The following UHRF1 variants were observed in gnomAD, a reference collection of about 807,000 sequenced individuals.
UHRF1 encodes E3 ubiquitin-protein ligase UHRF1.
UHRF1 carries 9 observed loss-of-function variants against 96.5 expected under a neutral mutation model. That is an observed-to-expected ratio of 0.09 (90% CI 0.06 to 0.16). UHRF1 has a LOEUF of 0.16. UHRF1 is among the 10% of genes least tolerant of loss of function. UHRF1 has a pLI of 1.00. For synonymous variants in UHRF1, 455 were observed against 469.9 expected (o/e 0.97, Z 0.41); for missense variants, 626 against 1,131.1 (o/e 0.55, Z 6.40).
chr19:4,950,797 G>A, intron 12 of UHRF1, 24 bp downstream of exon 12: 1 of 1,613,722 alleles, frequency 6.2e-7, no homozygotes, highest in Non-Finnish European at 8.5e-7. Flanking sequence ...GAGGAGGCCG[G>A]GGGCTCTGTC....
In UHRF1 at chr19:4,954,464, G is replaced by A. The variant is rs765102966; in HGVS notation, c.1933G>A (p.Gly645Ser). ...CTTCGCGTCCCCCAGGACGGGCAAG[G>A]GCAAGTGGAAGCGGAAGTCGGCAGG... ...GGFASPRTGK[G>S]KWKRKSAGGG... is the part of the protein sequence containing the mutation. The change falls in exon 14 of 17, where the codon GGC (glycine) becomes AGC (serine). Residue 645 changes from glycine (G) to serine (S), a missense_variant. Coordinates refer to ENST00000650932, the MANE Select transcript of UHRF1 (RefSeq NM_001048201.3). The surrounding 1 kb of genome is among the most constrained non-coding windows in gnomAD (Gnocchi z 5.9). 1 of 1,610,614 alleles carries A rather than the reference G, an allele frequency of 6.2e-7. No individual in the cohort carries two copies. Among genetic ancestry groups the A allele is most frequent in the Non-Finnish European group, 8.5e-7 (1 of 1,177,316 alleles).
chr19:4,941,322 C>A (rs1383517756), intron 5 of UHRF1, among the ~76,000 whole-genome samples: 2 of 152,002 alleles, frequency 1.3e-5, no homozygotes, highest in African/African-American at 4.8e-5. Flanking sequence ...AACTCCTGAC[C>A]TCGGCCTCCC....
chr19:4,954,389 C>T lies in UHRF1; in HGVS notation c.1858C>T (p.Arg620Ter), dbSNP rs2033795942. 1 of 1,613,256 alleles carries T rather than the reference C, an allele frequency of 6.2e-7. No homozygotes were observed. Among genetic ancestry groups the T allele is most frequent in the Admixed American group, 1.7e-5 (1 of 59,890 alleles). The part of the protein sequence containing the change: ...GYLEALANRE[R>*]EKENSKREEE... ...CCTGGAAGCCCTGGCCAACCGAGAG[C>T]GAGAGAAGGAGAACAGCAAGAGGGA... is the stretch of plus-strand genomic sequence containing the variant. Residue 620 changes from arginine (R) to a stop codon, truncating the protein, a stop_gained, in exon 14 of 17, where the codon CGA (arginine) becomes TGA (stop). Transcript: ENST00000650932. LOFTEE classifies it high-confidence loss of function. This position sits in a 1 kb window ranked among gnomAD's most constrained non-coding sequence, Gnocchi z 5.9.
chr19:4,921,616 C>T (rs925094985), intron 2 of UHRF1, among the ~76,000 whole-genome samples: 4 of 151,910 alleles, frequency 2.6e-5, no homozygotes, highest in Admixed American at 2.6e-4. Flanking sequence ...ACTTTCTGGA[C>T]GTGATGGCCC....
intron 2 of UHRF1, among the ~76,000 whole-genome samples, chr19:4,921,964 GTTTA>G (rs573505183): frequency 1.2e-3 from 184 of 152,266 alleles, no homozygotes; most frequent in African/African-American, 4.3e-3. Context: ...TACTTATTTT[GTTTA>G]TTTATTTGAG....
chr19:4,912,968 C>T (rs1374227860), intron 2 of UHRF1, among the ~76,000 whole-genome samples: 1 of 151,970 alleles, frequency 6.6e-6, no homozygotes, highest in Non-Finnish European at 1.5e-5. Context: ...TTATATTGCC[C>T]AGGGTGGTCT....
At chr19:4,956,902 A>G in intron 16 of UHRF1, 89 bp downstream of exon 16, 1 of 943,066 alleles carries the variant, frequency 1.1e-6, no homozygotes, top group Admixed American at 2.0e-5. Context: ...CTACAGACAG[A>G]GGCTTGTTGG....
intron 5 of UHRF1, 147 bp downstream of exon 5, chr19:4,933,103 C>A: frequency 1.2e-6 from 1 of 861,662 alleles, no homozygotes; most frequent in Non-Finnish European, 1.8e-6. Flanking sequence ...CCTCTGGGGT[C>A]TGTTCCTGCT....
At chr19:4,935,800 C>T (rs772583584) in intron 5 of UHRF1, among the ~76,000 whole-genome samples, 5 of 152,034 alleles carry the variant, frequency 3.3e-5, no homozygotes, top group South Asian at 2.1e-4. Context: ...TGGGGAGAAA[C>T]GCCTACAAAT....
upstream of UHRF1, among the ~76,000 whole-genome samples, chr19:4,906,285 T>C (rs1004378226): frequency 2.6e-5 from 4 of 152,160 alleles, no homozygotes; most frequent in Non-Finnish European, 4.4e-5. Flanking sequence ...AGCTGGACAA[T>C]TAACCTGAGC....
chr19:4,952,015 G>A (rs2033731195), intron 13 of UHRF1, among the ~76,000 whole-genome samples: 1 of 152,220 alleles, frequency 6.6e-6, no homozygotes, highest in Non-Finnish European at 1.5e-5. Context: ...GTACGGTGGG[G>A]AATTTCAGAA....
chr19:4,933,962 TGTGTGTGTGC>T (rs199668164), intron 5 of UHRF1, among the ~76,000 whole-genome samples: 10,751 of 99,904 alleles, frequency 0.11, 524 homozygotes, highest in Admixed American at 0.25. Flanking sequence ...CCTCTTTGTG[TGTGTGTGTGC>T]GTGTGTGTGT....
chr19:4,917,676 AAGAG>A (rs1179130358), intron 2 of UHRF1, among the ~76,000 whole-genome samples: 1 of 150,378 alleles, frequency 6.6e-6, no homozygotes, highest in African/African-American at 2.4e-5. Flanking sequence ...AAAAAAAAAA[AAGAG>A]ACAAGGTCTT....
chr19:4,918,453 C>G (rs982101337), intron 2 of UHRF1, among the ~76,000 whole-genome samples: 1 of 148,888 alleles, frequency 6.7e-6, no homozygotes. Flanking sequence ...GAGTCTTGCT[C>G]TGTCGCCAGG....
chr19:4,917,709 G>C (rs540397815), intron 2 of UHRF1, among the ~76,000 whole-genome samples: 9 of 150,514 alleles, frequency 6.0e-5, no homozygotes, highest in African/African-American at 2.2e-4. Flanking sequence ...CCAGGCTGGA[G>C]TGCAGCGGCG....
rs962794946 is a variant in UHRF1 at position 4,962,055 on chromosome 19, G to A, written c.*1252G>A. On this transcript the variant is annotated 3_prime_UTR_variant, in exon 17 of 17. Transcript: ENST00000650932. ...ACCTCCTTATTCTTAGATTATTAATGTATTAGGGAAGAATGAGACAATTTT... is the reference window on the plus strand; with the variant it reads ...ACCTCCTTATTCTTAGATTATTAATATATTAGGGAAGAATGAGACAATTTT... 1.4e-5 allele frequency: 2 copies of A among 139,708 alleles called. No homozygotes were observed. Among genetic ancestry groups the A allele is most frequent in the Admixed American group, 7.6e-5 (1 of 13,138 alleles). The allele number at this position is 139,708 out of a possible 1,614,324, so 8.7% of individuals were successfully genotyped here.
intron 2 of UHRF1, among the ~76,000 whole-genome samples, chr19:4,915,276 C>T (rs1384014405): frequency 6.6e-6 from 1 of 152,216 alleles, no homozygotes; most frequent in Non-Finnish European, 1.5e-5. Flanking sequence ...CCACCCACTG[C>T]GGCATCCCTC....
intron 16 of UHRF1, 83 bp from the exon 17 acceptor site, chr19:4,960,571 ACTG>A: frequency 6.5e-7 from 1 of 1,528,406 alleles, no homozygotes; most frequent in Non-Finnish European, 8.8e-7. Flanking sequence ...ACCTGGTGAG[ACTG>A]TCCCCACAGT....
At position 4,954,844 on chromosome 19, in the gene UHRF1, G is replaced by C. The variant is rs772094708; in HGVS notation, c.2130+22G>C. On this transcript the variant is annotated intron_variant, in intron 15 of 16. Coordinates refer to ENST00000650932, the MANE Select transcript of UHRF1 (RefSeq NM_001048201.3). This position sits in a 1 kb window ranked among gnomAD's most constrained non-coding sequence, Gnocchi z 5.9. Reference sequence around the variant, plus strand: ...CCCGGTAGGCTCGCACGGCTCACTCGTCGCCCTGATTTGCGTTGACTGCGG... The same window carrying C: ...CCCGGTAGGCTCGCACGGCTCACTCCTCGCCCTGATTTGCGTTGACTGCGG... The C allele has an allele frequency of 3.4e-5, 54 of 1,609,416 alleles. No homozygotes were observed. The highest frequency in any genetic ancestry group is 4.2e-5 in the Non-Finnish European group (50 of 1,178,052).
Sources: gnomAD v4.1 joint callset for allele counts (sites outside exome capture counted in the v4.1 genomes callset) on GRCh38, gnomAD v4.1.1 for gene constraint, Gnocchi (gnomAD v3.1) non-coding constraint, MANE v1.5 for transcripts, NCBI Gene and HGNC (gene_info 2026-07-23, HGNC 2026-07-21) for gene names.